Variants in TRMT2B observed in about 807,000 individuals in gnomAD.
The protein encoded by TRMT2B is tRNA (uracil-5-)-methyltransferase homolog B.
Under a neutral mutation model 39.7 loss-of-function variants are expected in TRMT2B, and 34 were observed. The observed-to-expected ratio is 0.86, with a 90% CI of 0.65 to 1.14. The LOEUF (loss-of-function observed/expected upper bound fraction) is 1.14, where lower values mean the gene tolerates loss of function less well. TRMT2B is among the 50% of genes most tolerant of loss of function. The pLI, the probability that TRMT2B is intolerant of heterozygous loss-of-function variation, is 0.00. For synonymous variants in TRMT2B, 132 were observed against 137.3 expected, an observed-to-expected ratio of 0.96 and a Z score of 0.27; for missense variants, 318 against 377.2, an observed-to-expected ratio of 0.84 and a Z score of 1.30.
At chrX:101,039,079 T>G (rs1260203484) in intron 4 of TRMT2B, among the ~76,000 whole-genome samples, 1 of 110,092 alleles carries the variant, frequency 9.1e-6, no homozygotes, top group East Asian at 2.8e-4. Context: ...ATTTTTTTGT[T>G]TTTTTTTGAG....
intron 8 of TRMT2B, 44 bp downstream of exon 8, chrX:101,023,426 G>C: frequency 8.5e-7 from 1 of 1,180,410 alleles, no homozygotes; most frequent in Non-Finnish European, 1.2e-6. Flanking sequence ...GTTATAGTTA[G>C]TAGTAGTAAA....
chrX:101,016,072 A>AAAAAC (rs1214851790), intron 13 of TRMT2B, among the ~76,000 whole-genome samples: 1 of 111,869 alleles, frequency 8.9e-6, no homozygotes, highest in Non-Finnish European at 1.9e-5. Flanking sequence ...TCAGTCTCAA[A>AAAAAC]AAAACAAAAC....
chrX:101,035,769 A>G, intron 6 of TRMT2B, 86 bp from the exon 7 acceptor site: 1 of 795,137 alleles, frequency 1.3e-6, no homozygotes, highest in Non-Finnish European at 1.9e-6. Flanking sequence ...TTCTATCGTC[A>G]AAGTGGCATA....
At position 101,026,643 on chromosome X, in the gene TRMT2B, G is replaced by A. The variant is rs144296903; in HGVS notation, c.610-3027C>T. On this transcript the variant is annotated intron_variant, in intron 7 of 13. Coordinates refer to ENST00000372936, the MANE Select transcript of TRMT2B (RefSeq NM_024917.6). ...GAAACTGAAACTCCTGTTCTTATAT[G>A]GGAATGCTTAAGTAAGTATTAAGAT... Among the ~76,000 whole-genome samples, 186 of 110,881 alleles carry A rather than the reference G, an allele frequency of 1.7e-3. 2 individuals carry two copies. The highest frequency in any genetic ancestry group is 5.8e-3 in the African/African-American group (178 of 30,557).
Position 101,010,575 on chromosome X carries a change from G to C in TRMT2B, c.*6C>G. On this transcript the variant is annotated 3_prime_UTR_variant, in exon 14 of 14. Coordinates refer to ENST00000372936, the MANE Select transcript of TRMT2B (RefSeq NM_024917.6). ...ACAAATAGCCTGCTGTCTTCTAGGA[G>C]GCTGCTTATCGAGTAAAGAGGAGCA... 8.3e-7 allele frequency: 1 copy of C among 1,210,857 alleles called. No homozygotes were observed. The highest frequency in any genetic ancestry group is 1.7e-5 in the African/African-American group (1 of 57,752).
At chrX:101,040,786 G>T (rs147188184) in intron 4 of TRMT2B, among the ~76,000 whole-genome samples, 12 of 111,940 alleles carry the variant, frequency 1.1e-4, no homozygotes, top group Admixed American at 3.8e-4. Flanking sequence ...TAACAAAAAC[G>T]CAAGGAAGAG....
rs138973384 is a variant in TRMT2B at position 101,021,177 on chromosome X, C to A, written c.990G>T (p.Glu330Asp). 6 of 1,209,570 alleles carry A rather than the reference C, an allele frequency of 5.0e-6. No homozygotes were observed. The African/African-American group carries it at 1.0e-4, about 21-fold the overall frequency. Residue 330 changes from glutamate to aspartate, a missense_variant, in exon 10 of 14, where the codon GAG becomes GAT. Physicochemically the swap from Glu to Asp is conservative, Grantham distance 45. Coordinates refer to ENST00000372936, the MANE Select transcript of TRMT2B (RefSeq NM_024917.6). ...GCTCCCCCACAGTCCGATACAGCAT[C>A]TCTGCACCAGCTGTGTTAATCTGGA... ...AFFQINTAGAEMLYRTVGELT... is the reference protein window; with the variant it reads ...AFFQINTAGADMLYRTVGELT...
chrX:100,994,240 C>A, the TRMT2B span, among the ~76,000 whole-genome samples: 1 of 111,612 alleles, frequency 9.0e-6, no homozygotes, highest in South Asian at 3.8e-4. Flanking sequence ...GCCCAGGGAC[C>A]AAGAAATGGA....
the TRMT2B span, among the ~76,000 whole-genome samples, chrX:100,978,983 A>G: frequency 5.4e-5 from 6 of 111,146 alleles, no homozygotes; most frequent in South Asian, 1.5e-3. Context: ...GATTGCAAAA[A>G]CAAGCAAAGA....
the TRMT2B span, among the ~76,000 whole-genome samples, chrX:101,003,345 T>C: frequency 3.7e-5 from 2 of 54,459 alleles, no homozygotes; most frequent in African/African-American, 1.7e-4. Flanking sequence ...TGACATCCGA[T>C]AGCTTTTTTT....
downstream of TRMT2B, among the ~76,000 whole-genome samples, chrX:101,007,085 A>AT (rs1450412446): frequency 9.0e-6 from 1 of 111,478 alleles, no homozygotes; most frequent in Non-Finnish European, 1.9e-5. Context: ...GAGGAAGTTG[A>AT]TTTTCCATAG....
intron 9 of TRMT2B, among the ~76,000 whole-genome samples, 189 bp downstream of exon 9, chrX:101,021,779 T>A (rs752095558): frequency 8.9e-6 from 1 of 112,729 alleles, no homozygotes; most frequent in African/African-American, 3.2e-5. Context: ...GGTTTCCCCC[T>A]CAGGGGATGA....
rs747695311 is a variant in TRMT2B at position 101,029,380 on chromosome X, GA to G, written c.610-5765del. ...ATTTCATTTCATTCATTTCTGCTCAGAAAGAACAGAGCAAGATTCTTTCTCA... is the reference window on the plus strand; with the variant it reads ...ATTTCATTTCATTCATTTCTGCTCAGAAGAACAGAGCAAGATTCTTTCTCA... On this transcript the variant is annotated intron_variant, in intron 7 of 13. Coordinates refer to ENST00000372936, the MANE Select transcript of TRMT2B (RefSeq NM_024917.6). Among the ~76,000 whole-genome samples, 15 of 110,741 alleles carry G rather than the reference GA, an allele frequency of 1.4e-4. No homozygotes were observed. In the East Asian group the frequency reaches 4.2e-3, roughly 31 times the overall value.
At chrX:101,018,533 T>G (rs763586220) in intron 13 of TRMT2B, among the ~76,000 whole-genome samples, 1 of 107,130 alleles carries the variant, frequency 9.3e-6, no homozygotes, top group South Asian at 4.3e-4. Context: ...CACTGCAACC[T>G]CTGCCTCCCG....
chrX:101,029,907 G>A (rs917957720), intron 7 of TRMT2B, among the ~76,000 whole-genome samples: 10 of 111,782 alleles, frequency 8.9e-5, no homozygotes, highest in African/African-American at 2.6e-4. Flanking sequence ...GCAGGAAGCT[G>A]AGATGGGGTA....
the TRMT2B span, among the ~76,000 whole-genome samples, chrX:100,979,062 T>G: frequency 1.8e-5 from 2 of 112,065 alleles, no homozygotes; most frequent in Non-Finnish European, 3.8e-5. Context: ...TGTTTCTATT[T>G]ATATCTTATT....
chrX:101,048,208 C>T (rs1014898892), intron 2 of TRMT2B, among the ~76,000 whole-genome samples: 4 of 109,062 alleles, frequency 3.7e-5, no homozygotes, highest in African/African-American at 6.7e-5. Context: ...TGGAGGATGA[C>T]GACATAGGTG....
downstream of TRMT2B, among the ~76,000 whole-genome samples, chrX:101,009,099 A>C (rs2086156147): frequency 8.9e-6 from 1 of 111,906 alleles, no homozygotes; most frequent in African/African-American, 3.2e-5. Context: ...CATCTAAAAA[A>C]AGAATAGAAA....
intron 4 of TRMT2B, among the ~76,000 whole-genome samples, chrX:101,040,643 T>G (rs1011943060): frequency 2.7e-5 from 3 of 111,909 alleles, no homozygotes; most frequent in African/African-American, 9.7e-5. Flanking sequence ...AGAGCTTATT[T>G]AGAATTAAGC....
Sources: gnomAD v4.1 joint callset for allele counts (sites outside exome capture counted in the v4.1 genomes callset) on GRCh38, gnomAD v4.1.1 for gene constraint, MANE v1.5 for transcripts, NCBI Gene and HGNC (gene_info 2026-07-23, HGNC 2026-07-21) for gene names.